Variants in KMT2B observed in about 807,000 individuals in gnomAD.
The protein encoded by KMT2B is histone-lysine N-methyltransferase 2B.
A neutral mutation model predicts 255.3 loss-of-function variants in KMT2B; 22 were observed. That is an observed-to-expected ratio of 0.09 (90% CI 0.06 to 0.12). KMT2B has a LOEUF of 0.12. KMT2B is among the 10% of genes least tolerant of loss of function. The probability of loss-of-function intolerance (pLI) is 1.00; values close to 1 mark genes in which losing one functional copy is unlikely to be tolerated. For missense variants in KMT2B, 3,149 were observed against 3,737.0 expected, an observed-to-expected ratio of 0.84 and a Z score of 4.10; for synonymous variants, 1,730 against 1,498.1, an observed-to-expected ratio of 1.15 and a Z score of -3.57.
rs750375219 is a variant in KMT2B at position 35,719,933 on chromosome 19, C to T, written c.586C>T (p.Leu196Phe). Residue 196 changes from leucine to phenylalanine, a missense_variant, in exon 3 of 37, where the codon CTT becomes TTT. By Grantham distance (22) the Leu-to-Phe change is conservative. Around this residue, in one of 18 missense-constraint regions of KMT2B, gnomAD observed 1,188 missense variants for 1,106.4 expected, o/e 1.07. Transcript: ENST00000420124. ...ACGGATGGTGCAGGCACTGACTGAA[C>T]TTCTCCGGCGGGCCCAGGCACCCCA... ...TERMVQALTE[L>F]LRRAQAPQAP... The T allele has an allele frequency of 3.6e-5, 58 of 1,613,290 alleles. No individual in the cohort carries two copies. The highest frequency in any genetic ancestry group is 1.7e-5 in the Admixed American group (1 of 59,992).
intron 14 of KMT2B, among the ~76,000 whole-genome samples, chr19:35,726,768 G>A (rs929763344): frequency 6.6e-6 from 1 of 152,160 alleles, no homozygotes; most frequent in Non-Finnish European, 1.5e-5. Context: ...TGGATCACCT[G>A]AGGTGAGGAG....
Position 35,738,513 on chromosome 19 carries a change from C to A in KMT2B, c.8104C>A (p.Pro2702Thr). 6.2e-7 allele frequency: 1 copy of A among 1,614,018 alleles called. No individual in the cohort carries two copies. Among genetic ancestry groups the A allele is most frequent in the Non-Finnish European group, 8.5e-7 (1 of 1,179,912 alleles). ...FPIEDASNKLPCNCGAKRCRR... is the reference protein window; with the variant it reads ...FPIEDASNKLTCNCGAKRCRR... ...CATCGAGGATGCCAGCAACAAGCTG[C>A]CCTGCAACTGTGGCGCCAAGCGCTG... is the stretch of plus-strand genomic sequence containing the variant. The change falls in exon 37 of 37, where the codon CCC becomes ACC. Residue 2702 changes from proline (P) to threonine (T), a missense_variant. Transcript: ENST00000420124. The surrounding 1 kb of genome is among the most constrained non-coding windows in gnomAD (Gnocchi z 8.7).
rs373297008 is a variant in KMT2B, at chr19:35,720,526, T to G, written c.1179T>G (p.Ala393=). 3.2e-6 allele frequency: 5 copies of G among 1,550,144 alleles called. No homozygotes were observed. The African/African-American group carries it at 6.9e-5, about 21-fold the overall frequency. Reference sequence around the variant, plus strand: ...CTGTAGCTGAGGAGATGATGCCAGCTGCGGAAAAGGAAGAGGCAAAGCTGC... The same window carrying G: ...CTGTAGCTGAGGAGATGATGCCAGCGGCGGAAAAGGAAGAGGCAAAGCTGC... ...ERAVAEEMMP[A]AEKEEAKLPP... Residue 393 remains alanine, a synonymous_variant, in exon 3 of 37, where the codon GCT becomes GCG. Transcript: ENST00000420124.
At position 35,733,263 on chromosome 19, in the gene KMT2B, C is replaced by T; in HGVS notation, c.6714C>T (p.Pro2238=). Residue 2238 remains proline (P), a synonymous_variant, in exon 28 of 37, where the codon CCC becomes CCT. Coordinates refer to ENST00000420124, the MANE Select transcript of KMT2B (RefSeq NM_014727.3). The surrounding 1 kb of genome is among the most constrained non-coding windows in gnomAD (Gnocchi z 4.3). ...CCTCCTGGACTCTGCCCCCAGGCCC[C>T]CTCCTCGGCGTGCTGCCCGTGGTCG... ...APTSWTLPPG[P]LLGVLPVVGV... is the part of the protein sequence containing the mutation. 3 of 1,481,986 alleles carry T rather than the reference C, an allele frequency of 2.0e-6. No homozygotes were observed. The highest frequency in any genetic ancestry group is 2.8e-6 in the Non-Finnish European group (3 of 1,087,974). The allele number at this position is 1,481,986 out of a possible 1,614,324, so 91.8% of individuals were successfully genotyped here.
Position 35,723,400 on chromosome 19 carries a change from C to G in KMT2B, c.3003-47C>G. 8 of 1,540,076 alleles carry G rather than the reference C, an allele frequency of 5.2e-6. No homozygotes were observed. Among genetic ancestry groups the G allele is most frequent in the Non-Finnish European group, 6.1e-6 (7 of 1,138,338 alleles). On this transcript the variant is annotated intron_variant, in intron 6 of 36. Transcript: ENST00000420124. The surrounding 1 kb of genome is among the most constrained non-coding windows in gnomAD (Gnocchi z 7.5). ...TTGTGGAGAGCTTCCTCTCTTCCCC[C>G]AGACCACCAGTCCCCTACCCTGGTG...
Position 35,720,461 on chromosome 19 carries a change from GAAGAAA to G in KMT2B, c.1119_1124del (p.Glu373_Lys374del), listed in dbSNP as rs1969140163. The G allele has an allele frequency of 1.3e-6, 2 of 1,551,770 alleles. No homozygotes were observed. Among genetic ancestry groups the G allele is most frequent in the Non-Finnish European group, 8.7e-7 (1 of 1,146,918 alleles). ...CGAGGAAGAAGAGAAGAAAGAAGAA[GAAGAAA>G]AAGACAAGGAGGGAGAAGAGAAGGA... On this transcript the variant is annotated inframe_deletion, in exon 3 of 37. Coordinates refer to ENST00000420124, the MANE Select transcript of KMT2B (RefSeq NM_014727.3).
chr19:35,720,507 C>T lies in KMT2B; in HGVS notation c.1160C>T (p.Ala387Val), dbSNP rs377205918. Residue 387 changes from alanine to valine, a missense_variant, in exon 3 of 37, where the codon GCT becomes GTT. Physicochemically the swap from Ala to Val is moderately conservative, Grantham distance 64 (BLOSUM62 0). Around this residue, in one of 18 missense-constraint regions of KMT2B, gnomAD observed 1,188 missense variants for 1,106.4 expected, o/e 1.07. Transcript: ENST00000420124. ...EGEEKEERAVAEEMMPAAEKE... is the reference protein window; with the variant it reads ...EGEEKEERAVVEEMMPAAEKE... Reference sequence around the variant, plus strand: ...GAAGAGAAGGAAGAAAGAGCTGTAGCTGAGGAGATGATGCCAGCTGCGGAA... The same window carrying T: ...GAAGAGAAGGAAGAAAGAGCTGTAGTTGAGGAGATGATGCCAGCTGCGGAA... The T allele has an allele frequency of 1.3e-4, 197 of 1,551,130 alleles. No homozygotes were observed. The highest frequency in any genetic ancestry group is 1.6e-4 in the Non-Finnish European group (185 of 1,146,850).
chr19:35,734,574 C>T (rs746951930), intron 30 of KMT2B, among the ~76,000 whole-genome samples: 12 of 152,200 alleles, frequency 7.9e-5, no homozygotes, highest in Middle Eastern at 3.4e-3. Flanking sequence ...TGGGAAGAGG[C>T]CTGGTGGCTG....
In KMT2B at chr19:35,737,105, C is replaced by A. The variant is rs781216094; in HGVS notation, c.7392C>A (p.Leu2464=). The change falls in exon 33 of 37, where the codon CTC becomes CTA. Residue 2464 remains leucine, a synonymous_variant. Coordinates refer to ENST00000420124, the MANE Select transcript of KMT2B (RefSeq NM_014727.3). The surrounding 1 kb of genome is among the most constrained non-coding windows in gnomAD (Gnocchi z 5.3). ...CCTCAGGAATGAGTGGGGCGAGACT[C>A]CTGGGCATCCACCATGATGCTGTCA... ...LSFSGMSGAR[L]LGIHHDAVIF... is the part of the protein sequence containing the mutation. The A allele has an allele frequency of 6.2e-7, 1 of 1,610,066 alleles. No homozygotes were observed. The highest frequency in any genetic ancestry group is 1.7e-5 in the Admixed American group (1 of 59,678).
Position 35,729,913 on chromosome 19 carries a change from C to T in KMT2B, c.4918-54C>T. Reference sequence around the variant, plus strand: ...CATGCAGACTCAGTGACAGTGGTGCCTGGCGCCCAGCCCCAGCCCTGGCTT... The same window carrying T: ...CATGCAGACTCAGTGACAGTGGTGCTTGGCGCCCAGCCCCAGCCCTGGCTT... On this transcript the variant is annotated intron_variant, in intron 22 of 36. Transcript: ENST00000420124. 1.9e-6 allele frequency: 3 copies of T among 1,556,132 alleles called. No homozygotes were observed. The South Asian group carries it at 3.5e-5, about 18-fold the overall frequency.
In KMT2B at chr19:35,727,862, C is replaced by A. The variant is rs762154512; in HGVS notation, c.4393-19C>A. On this transcript the variant is annotated intron_variant, in intron 17 of 36. Transcript: ENST00000420124. This position sits in a 1 kb window ranked among gnomAD's most constrained non-coding sequence, Gnocchi z 4.2. ...GAATTGTGCAGAGGGGACTCAGTCT[C>A]TGACAAACCCCCTTACAGCACAGCT... The A allele has an allele frequency of 3.7e-6, 6 of 1,611,248 alleles. No homozygotes were observed. The Admixed American group carries it at 1.0e-4, about 27-fold the overall frequency.
At chr19:35,728,258 G>T in intron 19 of KMT2B, 87 bp downstream of exon 19, 1 of 1,193,542 alleles carries the variant, frequency 8.4e-7, no homozygotes. Flanking sequence ...GAGAAGAGAT[G>T]AGCAGAGGTA....
Position 35,733,319 on chromosome 19 carries a change from C to G in KMT2B, c.6770C>G (p.Pro2257Arg). The G allele has an allele frequency of 1.3e-6, 2 of 1,516,460 alleles. No individual in the cohort carries two copies. Among genetic ancestry groups the G allele is most frequent in the Non-Finnish European group, 1.8e-6 (2 of 1,118,820 alleles). 93.9% of individuals were successfully genotyped at this position (1,516,460 alleles called of 1,614,324 possible). Residue 2257 changes from proline (P) to arginine (R), a missense_variant, in exon 28 of 37, where the codon CCC (proline) becomes CGC (arginine). This residue lies in a region of KMT2B where 897 missense variants were observed against 825.3 expected (regional missense o/e 1.09). Coordinates refer to ENST00000420124, the MANE Select transcript of KMT2B (RefSeq NM_014727.3). This position sits in a 1 kb window ranked among gnomAD's most constrained non-coding sequence, Gnocchi z 4.3. Reference protein sequence around the residue: ...GVVRPAPPPPPPPLTLVLSSG... With the variant: ...GVVRPAPPPPRPPLTLVLSSG... ...GTCCGCCCTGCCCCGCCCCCGCCACCCCCTCCCCTGACGCTGGTGCTGAGC... is the reference window on the plus strand; with the variant it reads ...GTCCGCCCTGCCCCGCCCCCGCCACGCCCTCCCCTGACGCTGGTGCTGAGC...
At position 35,719,990 on chromosome 19, in the gene KMT2B, A is replaced by AC. The variant is rs764234724; in HGVS notation, c.649dup (p.Arg217ProfsTer35). 2 of 1,611,270 alleles carry AC rather than the reference A, an allele frequency of 1.2e-6. No individual in the cohort carries two copies. Among genetic ancestry groups the AC allele is most frequent in the Non-Finnish European group, 8.5e-7 (1 of 1,179,160 alleles). Reference sequence around the variant, plus strand: ...CCGGAGCCGGGCATGTGAGCCCTCCACCCCCCGGCGGTCTCGGGGACGGCC... The same window carrying AC: ...CCGGAGCCGGGCATGTGAGCCCTCCACCCCCCCGGCGGTCTCGGGGACGGCC... On this transcript the variant is annotated frameshift_variant, in exon 3 of 37. Transcript: ENST00000420124. LOFTEE classifies it high-confidence loss of function.
rs767973202 is a variant in KMT2B at position 35,720,738 on chromosome 19, C to T, written c.1391C>T (p.Thr464Met). The T allele has an allele frequency of 2.6e-5, 39 of 1,473,830 alleles. No homozygotes were observed. The highest frequency in any genetic ancestry group is 1.0e-4 in the African/African-American group (7 of 69,964). 91.3% of individuals were successfully genotyped at this position (1,473,830 alleles called of 1,614,324 possible). Reference protein sequence around the residue: ...EESPPPVVPATCSRKRGRPPL... With the variant: ...EESPPPVVPAMCSRKRGRPPL... ...TCCCCTCCTCCTGTGGTCCCAGCTACGTGCTCCAGGAAGAGGGGCCGGCCT... is the reference window on the plus strand; with the variant it reads ...TCCCCTCCTCCTGTGGTCCCAGCTATGTGCTCCAGGAAGAGGGGCCGGCCT... Residue 464 changes from threonine to methionine, a missense_variant, in exon 3 of 37, where the codon ACG becomes ATG. Thr to Met is a moderately conservative substitution (Grantham distance 81). Transcript: ENST00000420124.
chr19:35,728,034 A>ACCCTGC, intron 18 of KMT2B, 49 bp downstream of exon 18: 1 of 1,550,660 alleles, frequency 6.4e-7, no homozygotes, highest in South Asian at 1.2e-5. Context: ...GGACCTTCAG[A>ACCCTGC]CCCTGCCCCT....
chr19:35,722,793 A>G (rs1054801111), intron 5 of KMT2B, 75 bp downstream of exon 5: 4 of 1,513,652 alleles, frequency 2.6e-6, no homozygotes, highest in Non-Finnish European at 1.8e-6. Flanking sequence ...CCAAGAGCCT[A>G]GGAGAGAGGG....
rs1433342719 is a variant in KMT2B at position 35,718,572 on chromosome 19, C to T, written c.363+191C>T. 3.9e-5 allele frequency among the ~76,000 whole-genome samples: 6 copies of T among 152,186 alleles called. No homozygotes were observed. The highest frequency in any genetic ancestry group is 5.9e-5 in the Non-Finnish European group (4 of 68,018). Reference sequence around the variant, plus strand: ...CCTCTGGAAGTGGGTAGAGAAGCCCCGGCTGCAGCCAGGCACTCGCGCCCG... The same window carrying T: ...CCTCTGGAAGTGGGTAGAGAAGCCCTGGCTGCAGCCAGGCACTCGCGCCCG... On this transcript the variant is annotated intron_variant, in intron 1 of 36. Transcript: ENST00000420124. The surrounding 1 kb of genome is among the most constrained non-coding windows in gnomAD (Gnocchi z 5.0).
In KMT2B at chr19:35,723,992, AC is replaced by A. The variant is rs1555729827; in HGVS notation, c.3325del (p.Arg1109GlufsTer73). The A allele has an allele frequency of 6.3e-7, 1 of 1,588,648 alleles. No individual in the cohort carries two copies. ...PGGPPAPRRR[T>X]PRENELPLPE... The stretch of plus-strand genomic sequence containing the variant: ...GGGCCCCCCTGCTCCTCGGCGTCGG[AC>A]CCCCCGAGAAAATGGTGCGAACTGC... On this transcript the variant is annotated frameshift_variant, in exon 8 of 37. Transcript: ENST00000420124. LOFTEE classifies it high-confidence loss of function. This position sits in a 1 kb window ranked among gnomAD's most constrained non-coding sequence, Gnocchi z 7.5.
Sources: gnomAD v4.1 joint callset for allele counts (sites outside exome capture counted in the v4.1 genomes callset) on GRCh38, gnomAD v4.1.1 for gene constraint, gnomAD v4.1.1 regional missense constraint, Gnocchi (gnomAD v3.1) non-coding constraint, MANE v1.5 for transcripts, NCBI Gene and HGNC (gene_info 2026-07-23, HGNC 2026-07-21) for gene names.